The following MOB3B variants were observed in gnomAD, a reference collection of about 807,000 sequenced individuals.
The protein encoded by MOB3B is MOB kinase activator 3B.
MOB3B carries 7 observed loss-of-function variants against 18.7 expected under a neutral mutation model. The ratio of observed to expected loss-of-function variants is 0.37; its 90% CI spans 0.21 to 0.70. MOB3B has a LOEUF of 0.70. Ranked by LOEUF, MOB3B falls within the 30% of genes least tolerant of loss-of-function variation. MOB3B has a pLI of 0.52. For missense variants in MOB3B, 253 were observed against 281.3 expected (o/e 0.90, Z 0.72); for synonymous variants, 111 against 99.9 (o/e 1.11, Z -0.66).
chr9:27,362,377 T>C (rs1821285708), intron 2 of MOB3B, among the ~76,000 whole-genome samples: 1 of 152,218 alleles, frequency 6.6e-6, no homozygotes, highest in South Asian at 2.1e-4. Flanking sequence ...AACTTTATTA[T>C]AAAACTAATA....
intron 3 of MOB3B, among the ~76,000 whole-genome samples, chr9:27,335,326 A>G (rs912276327): frequency 5.3e-5 from 8 of 152,190 alleles, no homozygotes; most frequent in Non-Finnish European, 8.8e-5. Flanking sequence ...AGATGTGGCA[A>G]CTCAGACCAT....
intron 1 of MOB3B, among the ~76,000 whole-genome samples, chr9:27,474,926 C>T (rs528435377): frequency 4.3e-4 from 66 of 152,324 alleles, no homozygotes; most frequent in African/African-American, 1.5e-3. Flanking sequence ...TGATCTCTGT[C>T]TCCTGGCATC....
chr9:27,431,134 A>T (rs921832221), intron 2 of MOB3B, among the ~76,000 whole-genome samples: 3 of 152,214 alleles, frequency 2.0e-5, no homozygotes, highest in African/African-American at 7.2e-5. Context: ...TTTAAAAATG[A>T]TTTTCTACCC....
At chr9:27,416,238 C>T (rs1296902700) in intron 2 of MOB3B, among the ~76,000 whole-genome samples, 1 of 151,640 alleles carries the variant, frequency 6.6e-6, no homozygotes, top group Non-Finnish European at 1.5e-5. Context: ...GGACCTCATA[C>T]CTTAAGTATA....
chr9:27,523,643 C>T (rs1319714145), intron 1 of MOB3B, among the ~76,000 whole-genome samples: 1 of 152,122 alleles, frequency 6.6e-6, no homozygotes, highest in East Asian at 1.9e-4. Flanking sequence ...TAGAGATTAT[C>T]AACATTTTCT....
At chr9:27,524,478 C>G (rs1007256446) in intron 1 of MOB3B, 4 of 1,614,094 alleles carry the variant, frequency 2.5e-6, no homozygotes, top group Admixed American at 3.3e-5. Context: ...TCTGAGACAT[C>G]TGAGTAGTAT....
Position 27,426,845 on chromosome 9 carries a change from C to G in MOB3B, c.418+28288G>C, listed in dbSNP as rs190366363. On this transcript the variant is annotated intron_variant, in intron 2 of 3. Transcript: ENST00000262244. Reference sequence around the variant, plus strand: ...AATAATCCCCGCCTCCCACCTCCACCCCCATGTGCTTAAAAGCAAGCTCTC... The same window carrying G: ...AATAATCCCCGCCTCCCACCTCCACGCCCATGTGCTTAAAAGCAAGCTCTC... Among the ~76,000 whole-genome samples, 948 of 152,284 alleles carry G rather than the reference C, an allele frequency of 6.2e-3. 7 individuals are homozygous for G. The highest frequency in any genetic ancestry group is 9.4e-3 in the Non-Finnish European group (638 of 68,032).
chr9:27,326,450 A>G lies in MOB3B; in HGVS notation c.*4137T>C, dbSNP rs563785665. 2.5e-6 allele frequency: 1 copy of G among 398,602 alleles called. No individual in the cohort carries two copies. Among genetic ancestry groups the G allele is most frequent in the African/African-American group, 2.1e-5 (1 of 48,768 alleles). The allele number at this position is 398,602 out of a possible 1,614,324, so 24.7% of individuals were successfully genotyped here. On this transcript the variant is annotated 3_prime_UTR_variant, in exon 4 of 4. Coordinates refer to ENST00000262244, the MANE Select transcript of MOB3B (RefSeq NM_024761.5). Reference sequence around the variant, plus strand: ...TTCTAAAAGTGGGACACTAGAAAAGATATACTGAAACTCAAAAAGAATACT... The same window carrying G: ...TTCTAAAAGTGGGACACTAGAAAAGGTATACTGAAACTCAAAAAGAATACT...
chr9:27,524,187 G>C, intron 1 of MOB3B: 1 of 448,316 alleles, frequency 2.2e-6, no homozygotes, highest in Non-Finnish European at 3.5e-6. Context: ...AGAGGCAAAG[G>C]AAAGGGGCCG....
At chr9:27,486,696 G>C (rs749743962) in intron 1 of MOB3B, among the ~76,000 whole-genome samples, 1 of 152,194 alleles carries the variant, frequency 6.6e-6, no homozygotes, top group Non-Finnish European at 1.5e-5. Context: ...ATCCACCCAG[G>C]CTAGTGTGAC....
chr9:27,371,751 C>T (rs1383468226), intron 2 of MOB3B, among the ~76,000 whole-genome samples: 1 of 151,884 alleles, frequency 6.6e-6, no homozygotes, highest in Non-Finnish European at 1.5e-5. Flanking sequence ...AGGAAAAAAG[C>T]CTCTCAGCCT....
At chr9:27,346,192 C>A (rs1188690558) in intron 3 of MOB3B, among the ~76,000 whole-genome samples, 2 of 152,140 alleles carry the variant, frequency 1.3e-5, no homozygotes, top group African/African-American at 4.8e-5. Context: ...GAGAGCAAAC[C>A]CTTATTGGAT....
intron 1 of MOB3B, among the ~76,000 whole-genome samples, chr9:27,459,694 C>A (rs935065789): frequency 3.3e-5 from 5 of 152,080 alleles, no homozygotes; most frequent in African/African-American, 1.2e-4. Flanking sequence ...GTCTTTTGAT[C>A]TGGACTGACT....
chr9:27,351,414 A>AT (rs1388921059), intron 3 of MOB3B, among the ~76,000 whole-genome samples: 1 of 145,866 alleles, frequency 6.9e-6, no homozygotes, highest in African/African-American at 2.6e-5. Flanking sequence ...GCTCAGAGCC[A>AT]TTACATGCCT....
chr9:27,426,977 C>T (rs1199522057), intron 2 of MOB3B, among the ~76,000 whole-genome samples: 1 of 152,208 alleles, frequency 6.6e-6, no homozygotes, highest in Non-Finnish European at 1.5e-5. Flanking sequence ...TCTGCAAGCA[C>T]ACACTGGATT....
intron 2 of MOB3B, chr9:27,378,720 G>A: frequency 2.1e-6 from 1 of 469,486 alleles, no homozygotes; most frequent in Non-Finnish European, 4.4e-6. Context: ...GCATGTGCAT[G>A]GGCAGAGCTG....
At position 27,455,270 on chromosome 9, in the gene MOB3B, G is replaced by A. The variant is rs773601227; in HGVS notation, c.281C>T (p.Pro94Leu). The stretch of plus-strand genomic sequence containing the variant: ...ATCCTGCCACCGATACTCATATTTG[G>A]GGCCCCCTGACATCACAGGACAGGT... ...ERTCPVMSGGPKYEYRWQDDL... is the reference protein window; with the variant it reads ...ERTCPVMSGGLKYEYRWQDDL... Residue 94 changes from proline (P) to leucine (L), a missense_variant, in exon 2 of 4, where the codon CCC (proline) becomes CTC (leucine). Transcript: ENST00000262244. 1.2e-6 allele frequency: 2 copies of A among 1,613,870 alleles called. No individual in the cohort carries two copies. Among genetic ancestry groups the A allele is most frequent in the South Asian group, 1.1e-5 (1 of 91,062 alleles).
chr9:27,334,629 A>C (rs911980944), intron 3 of MOB3B, among the ~76,000 whole-genome samples: 10 of 152,190 alleles, frequency 6.6e-5, no homozygotes, highest in Admixed American at 1.3e-4. Context: ...TAAGTGTCAA[A>C]TCTTAGTCTA....
At chr9:27,400,041 A>T (rs1483805491) in intron 2 of MOB3B, among the ~76,000 whole-genome samples, 1 of 152,142 alleles carries the variant, frequency 6.6e-6, no homozygotes, top group East Asian at 1.9e-4. Context: ...CCTGGAAATT[A>T]CAGCTGCCTC....
Sources: allele counts gnomAD v4.1 joint callset (sites outside exome capture counted in the v4.1 genomes callset), GRCh38; gene constraint gnomAD v4.1.1; transcripts MANE v1.5; gene names NCBI Gene and HGNC (gene_info 2026-07-23, HGNC 2026-07-21).